The following MICAL3 variants were observed in gnomAD, a reference collection of about 807,000 sequenced individuals.
The protein encoded by MICAL3 is microtubule associated monooxygenase, calponin and LIM domain containing 3.
In MICAL3, 62 loss-of-function variants were observed where a neutral mutation model predicts 207.4. That is an observed-to-expected ratio of 0.30 (90% CI 0.24 to 0.37). The LOEUF (loss-of-function observed/expected upper bound fraction) is 0.37. Among genes scored for constraint, MICAL3 ranks in the 10% least tolerant of loss-of-function variants. The pLI is 1.00. For synonymous variants in MICAL3, 1,077 were observed against 1,069.3 expected, an observed-to-expected ratio of 1.01 and a Z score of -0.14; for missense variants, 2,368 against 2,635.6, an observed-to-expected ratio of 0.90 and a Z score of 2.22.
chr22:17,931,031 C>T (rs1342804432), intron 1 of MICAL3, among the ~76,000 whole-genome samples: 1 of 152,230 alleles, frequency 6.6e-6, no homozygotes, highest in African/African-American at 2.4e-5. Flanking sequence ...GGGTTCCGGG[C>T]ATCCCTGTGA....
intron 29 of MICAL3, among the ~76,000 whole-genome samples, chr22:17,805,371 C>A (rs2061979457): frequency 6.6e-6 from 1 of 152,218 alleles, no homozygotes; most frequent in Non-Finnish European, 1.5e-5. Context: ...TGATGGGAGA[C>A]CAGCTTGGAA....
Position 17,950,166 on chromosome 22 carries a change from A to ATTTTTTTTTTTT in MICAL3, c.-74-43281_-74-43280insAAAAAAAAAAAA, listed in dbSNP as rs10657913. ...GGTCATTCACAGGGTACAGCTGTCT[A>ATTTTTTTTTTTT]TTTTTTTTTTTGGAGACAAGAGTCT... On this transcript the variant is annotated intron_variant, in intron 1 of 31. Transcript: ENST00000441493. Among the ~76,000 whole-genome samples the ATTTTTTTTTTTT allele has an allele frequency of 2.3e-3, 337 of 143,998 alleles. 5 individuals carry two copies. The highest frequency in any genetic ancestry group is 8.4e-3 in the African/African-American group (318 of 37,794). The allele number at this position is 143,998 out of a possible 152,430, so 94.5% of individuals were successfully genotyped here. A position where few individuals can be genotyped will look rare whatever the true frequency, so the allele number is the denominator to read the frequency against.
At chr22:17,794,968 C>T (rs1213170322) in intron 29 of MICAL3, among the ~76,000 whole-genome samples, 1 of 152,216 alleles carries the variant, frequency 6.6e-6, no homozygotes, top group Admixed American at 6.5e-5. Flanking sequence ...AAGAAATGGC[C>T]TTGTTTTACT....
chr22:17,960,216 T>C (rs1272638674), intron 1 of MICAL3, among the ~76,000 whole-genome samples: 5 of 152,252 alleles, frequency 3.3e-5, no homozygotes, highest in Non-Finnish European at 7.3e-5. Flanking sequence ...GGTGCTGTTC[T>C]CACTACACTG....
intron 29 of MICAL3, among the ~76,000 whole-genome samples, chr22:17,792,962 G>A (rs2061839264): frequency 6.6e-6 from 1 of 152,248 alleles, no homozygotes; most frequent in Non-Finnish European, 1.5e-5. Context: ...GGAGGGGCCC[G>A]AGGCATGCAA....
At chr22:17,912,048 G>A (rs370436926) in intron 1 of MICAL3, among the ~76,000 whole-genome samples, 3 of 152,044 alleles carry the variant, frequency 2.0e-5, no homozygotes, top group African/African-American at 7.2e-5. Context: ...AGGTGCATGA[G>A]GCTGAAGCAG....
intron 1 of MICAL3, among the ~76,000 whole-genome samples, chr22:17,976,578 TATATATATA>T (rs1300279327): frequency 1.8e-4 from 18 of 101,946 alleles, no homozygotes; most frequent in African/African-American, 7.1e-4. Context: ...TATATATATA[TATATATATA>T]TATTTTTTTT....
chr22:17,878,075 G>C (rs192624633), intron 16 of MICAL3, among the ~76,000 whole-genome samples: 1 of 151,914 alleles, frequency 6.6e-6, no homozygotes, highest in East Asian at 1.9e-4. Flanking sequence ...GGATGGTCTC[G>C]ATCTCCTGAC....
intron 28 of MICAL3, among the ~76,000 whole-genome samples, chr22:17,810,088 A>G (rs1258688866): frequency 2.4e-5 from 3 of 123,230 alleles, no homozygotes; most frequent in African/African-American, 9.9e-5. Context: ...TTTGAGACAG[A>G]GTCTCTCTGT....
intron 1 of MICAL3, among the ~76,000 whole-genome samples, chr22:18,021,367 C>T (rs975334934): frequency 6.6e-6 from 1 of 152,242 alleles, no homozygotes; most frequent in Non-Finnish European, 1.5e-5. Flanking sequence ...TAGCAGAAGC[C>T]TCTGTGAGCC....
intron 29 of MICAL3, among the ~76,000 whole-genome samples, chr22:17,795,480 A>G (rs1016841993): frequency 1.3e-5 from 2 of 152,188 alleles, no homozygotes; most frequent in African/African-American, 4.8e-5. Context: ...TAATTACAAC[A>G]CGTGTTTCTG....
chr22:17,819,936 C>G (rs1190451242), intron 25 of MICAL3, among the ~76,000 whole-genome samples: 1 of 114,950 alleles, frequency 8.7e-6, no homozygotes, highest in Non-Finnish European at 1.7e-5. Flanking sequence ...GTGAGAGACT[C>G]CATCTCAAAA....
At chr22:17,837,951 G>A (rs893637325) in intron 20 of MICAL3, among the ~76,000 whole-genome samples, 4 of 152,156 alleles carry the variant, frequency 2.6e-5, no homozygotes, top group African/African-American at 9.7e-5. Flanking sequence ...TGAGGAGCTG[G>A]GACCACAGGA....
At chr22:17,919,630 G>C (rs568648873) in intron 1 of MICAL3, among the ~76,000 whole-genome samples, 11 of 152,346 alleles carry the variant, frequency 7.2e-5, no homozygotes, top group Admixed American at 3.9e-4. Context: ...GAGTCACAGA[G>C]AATGGGACCC....
At chr22:18,016,776 T>A (rs1391449951) in intron 1 of MICAL3, among the ~76,000 whole-genome samples, 1 of 151,910 alleles carries the variant, frequency 6.6e-6, no homozygotes. Context: ...CCGTCTCTAC[T>A]AAAAATACAA....
intron 1 of MICAL3, among the ~76,000 whole-genome samples, chr22:17,924,821 A>G (rs1932878698): frequency 1.3e-5 from 2 of 152,352 alleles, no homozygotes; most frequent in Admixed American, 6.5e-5. Context: ...ACATTGCTGC[A>G]GGATGACATA....
Position 17,821,025 on chromosome 22 carries a change from CTA to C in MICAL3, c.3531+400_3531+401del, listed in dbSNP as rs901015326. 1.2e-4 allele frequency among the ~76,000 whole-genome samples: 9 copies of C among 75,682 alleles called. 1 individual carries two copies. The highest frequency in any genetic ancestry group is 4.7e-4 in the Admixed American group (4 of 8,572). The allele number at this position is 75,682 out of a possible 152,430, so 49.7% of individuals were successfully genotyped here. The stretch of plus-strand genomic sequence containing the variant: ...ATATTTATAAACAATTTTAATACAC[CTA>C]TGTTTATTATACATTTATTAAATAT... On this transcript the variant is annotated intron_variant, in intron 25 of 31. Transcript: ENST00000441493.
chr22:17,954,839 C>T lies in MICAL3; in HGVS notation c.-74-47953G>A, dbSNP rs371714953. Among the ~76,000 whole-genome samples the T allele has an allele frequency of 2.1e-3, 317 of 151,944 alleles. 1 individual carries two copies. The highest frequency in any genetic ancestry group is 0.01 in the Middle Eastern group (3 of 292). ...TCAGCTCACAGCAACCTCGCCCTCC[C>T]GGGTTCAAGCAATTTCTGGGATTAC... is the stretch of plus-strand genomic sequence containing the variant. On this transcript the variant is annotated intron_variant, in intron 1 of 31. Transcript: ENST00000441493.
intron 1 of MICAL3, among the ~76,000 whole-genome samples, chr22:18,007,692 G>A (rs930626852): frequency 4.9e-5 from 7 of 143,428 alleles, no homozygotes; most frequent in African/African-American, 1.1e-4. Context: ...TGTGGCTCAC[G>A]CCTGTAATCC....
Sources: gnomAD v4.1 joint callset for allele counts (sites outside exome capture counted in the v4.1 genomes callset) on GRCh38, gnomAD v4.1.1 for gene constraint, MANE v1.5 for transcripts, NCBI Gene and HGNC (gene_info 2026-07-23, HGNC 2026-07-21) for gene names.